LOC128462377: variants seen among roughly 807,000 people sequenced by gnomAD.
the LOC128462377 span, among the ~76,000 whole-genome samples, chr16:89,417,150 G>A: frequency 1.5e-3 from 231 of 152,302 alleles, 2 homozygotes; most frequent in African/African-American, 5.3e-3. Context: ...TCAGTCATAT[G>A]AAAGAAAGCA....
At chr16:89,322,184 GTT>G in the LOC128462377 span, among the ~76,000 whole-genome samples, 2 of 152,154 alleles carry the variant, frequency 1.3e-5, no homozygotes, top group African/African-American at 4.8e-5. Context: ...TTGTTCAAGG[GTT>G]TGCTGTAATT....
At chr16:89,333,469 A>G in the LOC128462377 span, among the ~76,000 whole-genome samples, 7 of 152,310 alleles carry the variant, frequency 4.6e-5, no homozygotes, top group South Asian at 4.1e-4. Context: ...TTGTGGTATC[A>G]TACAGAGTAG....
the LOC128462377 span, among the ~76,000 whole-genome samples, chr16:89,406,704 T>C: frequency 3.9e-5 from 6 of 152,158 alleles, no homozygotes; most frequent in Admixed American, 2.0e-4. Flanking sequence ...AGGACAGACT[T>C]CTGAAGAAGA....
At chr16:89,408,914 G>A in the LOC128462377 span, among the ~76,000 whole-genome samples, 3 of 152,350 alleles carry the variant, frequency 2.0e-5, no homozygotes, top group Middle Eastern at 0.01. Context: ...GACCTTAGGA[G>A]TTACTGGGAA....
chr16:89,317,268 G>A, the LOC128462377 span, among the ~76,000 whole-genome samples: 2 of 152,214 alleles, frequency 1.3e-5, no homozygotes, highest in Non-Finnish European at 2.9e-5. Flanking sequence ...ACCAGCAACA[G>A]GAATGGCAGC....
At chr16:89,379,722 T>A in the LOC128462377 span, among the ~76,000 whole-genome samples, 1 of 152,262 alleles carries the variant, frequency 6.6e-6, no homozygotes, top group South Asian at 2.1e-4. Context: ...TGCACGGATT[T>A]GCGAAGAACG....
the LOC128462377 span, among the ~76,000 whole-genome samples, chr16:89,342,383 T>C: frequency 1.3e-5 from 2 of 152,188 alleles, no homozygotes; most frequent in South Asian, 4.1e-4. Context: ...CCCAGAGATG[T>C]TGAGGCCTTG....
At chr16:89,366,881 C>T in the LOC128462377 span, among the ~76,000 whole-genome samples, 1 of 152,226 alleles carries the variant, frequency 6.6e-6, no homozygotes, top group East Asian at 1.9e-4. Flanking sequence ...TCTGTCACAT[C>T]ATCCTGTTGC....
At chr16:89,393,584 TG>T in the LOC128462377 span, among the ~76,000 whole-genome samples, 1 of 151,608 alleles carries the variant, frequency 6.6e-6, no homozygotes, top group Non-Finnish European at 1.5e-5. Context: ...CAGAGTGATT[TG>T]CCCGCCTCAG....
chr16:89,322,805 C>G, the LOC128462377 span, among the ~76,000 whole-genome samples: 1 of 152,266 alleles, frequency 6.6e-6, no homozygotes, highest in Non-Finnish European at 1.5e-5. Context: ...CTGCAGCACA[C>G]GGCCATGCTC....
At chr16:89,322,993 G>A in the LOC128462377 span, 1 of 294,642 alleles carries the variant, frequency 3.4e-6, no homozygotes, top group Non-Finnish European at 6.7e-6. Context: ...ACAGGCCCGT[G>A]GCACCATGCC....
the LOC128462377 span, among the ~76,000 whole-genome samples, chr16:89,393,042 T>G: frequency 6.6e-6 from 1 of 152,066 alleles, no homozygotes; most frequent in Non-Finnish European, 1.5e-5. Flanking sequence ...CCTATGCAAA[T>G]GCTAACCCTC....
the LOC128462377 span, among the ~76,000 whole-genome samples, chr16:89,318,777 G>A: frequency 6.6e-5 from 10 of 152,202 alleles, no homozygotes; most frequent in Non-Finnish European, 1.3e-4. Flanking sequence ...CAAGAACACA[G>A]GTGAAGTTAT....
the LOC128462377 span, among the ~76,000 whole-genome samples, chr16:89,388,953 C>T: frequency 8.5e-5 from 13 of 152,318 alleles, 1 homozygote; most frequent in East Asian, 1.3e-3. Context: ...AGATGACTTA[C>T]AGGAATATAC....
the LOC128462377 span, among the ~76,000 whole-genome samples, chr16:89,393,309 TTTTTA>T: frequency 6.8e-6 from 1 of 148,132 alleles, no homozygotes; most frequent in African/African-American, 2.6e-5. Flanking sequence ...ACTTTTTTTA[TTTTTA>T]TTTTTTTTTT....
the LOC128462377 span, among the ~76,000 whole-genome samples, chr16:89,352,654 A>G: frequency 6.6e-6 from 1 of 152,176 alleles, no homozygotes; most frequent in Non-Finnish European, 1.5e-5. Flanking sequence ...TCCACTCATC[A>G]GCACCAAAGT....
chr16:89,392,952 AC>A, the LOC128462377 span, among the ~76,000 whole-genome samples: 1 of 151,936 alleles, frequency 6.6e-6, no homozygotes, highest in African/African-American at 2.4e-5. Context: ...ATCTACAGTC[AC>A]CAAGGCCCTT....
At chr16:89,385,488 A>G in the LOC128462377 span, among the ~76,000 whole-genome samples, 1 of 152,066 alleles carries the variant, frequency 6.6e-6, no homozygotes, top group South Asian at 2.1e-4. Flanking sequence ...AGCACCGGGC[A>G]GAGGGAAGGG....
chr16:89,324,433 G>GT, the LOC128462377 span: 2 of 467,098 alleles, frequency 4.3e-6, no homozygotes, highest in African/African-American at 2.0e-5. Context: ...TAAAACCAAG[G>GT]TAAGTGTGAG....
Sources: allele counts gnomAD v4.1 joint callset (sites outside exome capture counted in the v4.1 genomes callset), GRCh38; gene constraint gnomAD v4.1.1; transcripts MANE v1.5.